Variants in LRP1 observed in about 807,000 individuals in gnomAD.
The protein encoded by LRP1 is prolow-density lipoprotein receptor-related protein 1.
A neutral mutation model predicts 541.5 loss-of-function variants in LRP1; 51 were observed. That is an observed-to-expected ratio of 0.09 (90% confidence interval 0.08 to 0.12). The LOEUF (loss-of-function observed/expected upper bound fraction) is 0.12, where lower values mean the gene tolerates loss of function less well. Ranked by LOEUF, LRP1 falls within the 10% of genes least tolerant of loss-of-function variation. The pLI, the probability that LRP1 is intolerant of heterozygous loss-of-function variation, is 1.00. For missense variants in LRP1, 3,878 were observed against 6,376.2 expected (o/e 0.61, Z 13.34); for synonymous variants, 2,219 against 2,470.8 (o/e 0.90, Z 3.02).
In LRP1 at chr12:57,173,645, A is replaced by G. The variant is rs2035986571; in HGVS notation, c.3347-135A>G. ...GTTGCCTATGTGAATTTGACCCAAAAAGCCTCGGGGTTCCTCGTGGACCCC... is the reference window on the plus strand; with the variant it reads ...GTTGCCTATGTGAATTTGACCCAAAGAGCCTCGGGGTTCCTCGTGGACCCC... On this transcript the variant is annotated intron_variant, in intron 21 of 88. Coordinates refer to ENST00000243077, the MANE Select transcript of LRP1 (RefSeq NM_002332.3). The surrounding 1 kb of genome is among the most constrained non-coding windows in gnomAD (Gnocchi z 4.7). The G allele has an allele frequency of 2.2e-6, 2 of 903,182 alleles. No individual in the cohort carries two copies. The highest frequency in any genetic ancestry group is 1.7e-6 in the Non-Finnish European group (1 of 582,150). 55.9% of individuals were successfully genotyped at this position (903,182 alleles called of 1,614,324 possible). A position where few individuals can be genotyped will look rare whatever the true frequency, so the allele number is the denominator to read the frequency against.
Position 57,169,169 on chromosome 12 carries a change from G to T in LRP1, c.3025G>T (p.Ala1009Ser), listed in dbSNP as rs1565730249. The change falls in exon 20 of 89, where the codon GCC (alanine) becomes TCC (serine). Residue 1009 changes from alanine to serine, a missense_variant. By Grantham distance (99) the Ala-to-Ser change is moderately conservative (BLOSUM62 1). Transcript: ENST00000243077. Reference sequence around the variant, plus strand: ...TGACTGTGGGGACAACAGTGACGAAGCCGGCTGCAGCCACTCCTGTTCTAG... The same window carrying T: ...TGACTGTGGGGACAACAGTGACGAATCCGGCTGCAGCCACTCCTGTTCTAG... ...DNDCGDNSDE[A>S]GCSHSCSSTQ... is the part of the protein sequence containing the mutation. 1 of 1,612,248 alleles carries T rather than the reference G, an allele frequency of 6.2e-7. No individual in the cohort carries two copies. The highest frequency in any genetic ancestry group is 8.5e-7 in the Non-Finnish European group (1 of 1,178,508).
Position 57,178,450 on chromosome 12 carries a change from A to T in LRP1, c.4453A>T (p.Thr1485Ser). Residue 1485 changes from threonine to serine, a missense_variant, in exon 27 of 89, where the codon ACG (threonine) becomes TCG (serine). Thr to Ser is a moderately conservative substitution (Grantham distance 58). Around this residue, in one of 13 missense-constraint regions of LRP1, gnomAD observed 54 missense variants for 167.7 expected, o/e 0.32. Transcript: ENST00000243077. The surrounding 1 kb of genome is among the most constrained non-coding windows in gnomAD (Gnocchi z 5.8). ...GTTCCTGTCGCACCCGTTTGCAGTG[A>T]CGCTGTACGGGGGGGAGGTCTACTG... ...HEFLSHPFAVTLYGGEVYWTD... is the reference protein window; with the variant it reads ...HEFLSHPFAVSLYGGEVYWTD... 1.2e-6 allele frequency: 2 copies of T among 1,614,216 alleles called. No homozygotes were observed. Among genetic ancestry groups the T allele is most frequent in the Non-Finnish European group, 1.7e-6 (2 of 1,180,026 alleles).
intron 81 of LRP1, 24 bp from the exon 82 acceptor site, chr12:57,210,283 C>T: frequency 6.5e-7 from 1 of 1,549,294 alleles, no homozygotes; most frequent in Non-Finnish European, 8.7e-7. Context: ...CCTGGCTCTG[C>T]CCCTTGACGG....
At position 57,178,486 on chromosome 12, in the gene LRP1, C is replaced by T. The variant is rs1255476122; in HGVS notation, c.4489C>T (p.Arg1497Ter). 1 of 1,614,196 alleles carries T rather than the reference C, an allele frequency of 6.2e-7. No individual in the cohort carries two copies. The highest frequency in any genetic ancestry group is 1.3e-5 in the African/African-American group (1 of 75,036). The change falls in exon 27 of 89, where the codon CGA becomes TGA. Residue 1497 changes from arginine to a stop codon, truncating the protein, a stop_gained. Coordinates refer to ENST00000243077, the MANE Select transcript of LRP1 (RefSeq NM_002332.3). LOFTEE classifies it high-confidence loss of function. The surrounding 1 kb of genome is among the most constrained non-coding windows in gnomAD (Gnocchi z 5.8). ...YGGEVYWTDW[R>*]TNTLAKANKW... ...GGGGGAGGTCTACTGGACTGACTGG[C>T]GAACAAACACACTGGCTAAGGCCAA... is the stretch of plus-strand genomic sequence containing the variant.
chr12:57,172,165 C>T (rs1359234024), intron 20 of LRP1, among the ~76,000 whole-genome samples: 2 of 148,014 alleles, frequency 1.4e-5, no homozygotes, highest in Non-Finnish European at 3.0e-5. Flanking sequence ...GCAGCTGTGG[C>T]GTTTTCTTTT....
In LRP1 at chr12:57,180,655, C is replaced by T; in HGVS notation, c.5387-12C>T. 1.2e-6 allele frequency: 2 copies of T among 1,613,908 alleles called. No individual in the cohort carries two copies. Among genetic ancestry groups the T allele is most frequent in the Non-Finnish European group, 1.7e-6 (2 of 1,179,820 alleles). On this transcript the variant is annotated splice_polypyrimidine_tract_variant and intron_variant, in intron 32 of 88. Coordinates refer to ENST00000243077, the MANE Select transcript of LRP1 (RefSeq NM_002332.3). ...GCCTTCCCAAGGGTCTCATCCCCTC[C>T]TGCTGCCCCAGGGGACAAGCTGTGG...
chr12:57,190,036 C>A (rs1336494848), intron 42 of LRP1, among the ~76,000 whole-genome samples: 1 of 152,192 alleles, frequency 6.6e-6, no homozygotes, highest in African/African-American at 2.4e-5. Flanking sequence ...CTGGCTGTTC[C>A]CATTGCCTCC....
chr12:57,169,434 C>T (rs2035902439), intron 20 of LRP1, 127 bp downstream of exon 20: 1 of 919,568 alleles, frequency 1.1e-6, no homozygotes, highest in Non-Finnish European at 1.6e-6. Flanking sequence ...GTAGCCTAGG[C>T]ATGGCTCTTG....
chr12:57,212,465 T>A lies in LRP1; in HGVS notation c.13545T>A (p.His4515Gln). The A allele has an allele frequency of 6.2e-7, 1 of 1,614,100 alleles. No homozygotes were observed. Reference sequence around the variant, plus strand: ...ATGCCACACTCTACATGGGGGGCCATGGCAGTCGCCACTCCCTGGCCAGCA... The same window carrying A: ...ATGCCACACTCTACATGGGGGGCCAAGGCAGTCGCCACTCCCTGGCCAGCA... ...PVYATLYMGGHGSRHSLASTD... is the reference protein window; with the variant it reads ...PVYATLYMGGQGSRHSLASTD... Residue 4515 changes from histidine (H) to glutamine (Q), a missense_variant, in exon 89 of 89, where the codon CAT (histidine) becomes CAA (glutamine). His to Gln is a conservative substitution (Grantham distance 24). This residue lies in a region of LRP1 where 871 missense variants were observed against 1,212.4 expected (regional missense o/e 0.72). Coordinates refer to ENST00000243077, the MANE Select transcript of LRP1 (RefSeq NM_002332.3). This position sits in a 1 kb window ranked among gnomAD's most constrained non-coding sequence, Gnocchi z 5.0.
At position 57,163,578 on chromosome 12, in the gene LRP1, CA is replaced by C. The variant is rs541782465; in HGVS notation, c.2530+609del. Among the ~76,000 whole-genome samples, 887 of 107,998 alleles carry C rather than the reference CA, an allele frequency of 8.2e-3. 8 individuals carry two copies. The highest frequency in any genetic ancestry group is 0.022 in the African/African-American group (667 of 29,726). The allele number at this position is 107,998 out of a possible 152,430, so 70.9% of individuals were successfully genotyped here. ...TAGGCGACAGATGGAGACTCTGTCT[CA>C]AAAAAAAAAAAAATTAACATTAAAA... is the stretch of plus-strand genomic sequence containing the variant. On this transcript the variant is annotated intron_variant, in intron 15 of 88. Transcript: ENST00000243077.
chr12:57,188,241 T>C (rs2036307602), intron 42 of LRP1, among the ~76,000 whole-genome samples: 1 of 152,172 alleles, frequency 6.6e-6, no homozygotes, highest in African/African-American at 2.4e-5. Context: ...CCCGGCTGTT[T>C]GGGCCTCTAG....
In LRP1 at chr12:57,191,109, C is replaced by A. The variant is rs1453405504; in HGVS notation, c.7236+100C>A. On this transcript the variant is annotated intron_variant, in intron 43 of 88. Coordinates refer to ENST00000243077, the MANE Select transcript of LRP1 (RefSeq NM_002332.3). ...CGTCCAGGCACAGACATGGTGGGAA[C>A]AGCTGGGAGGAGGTGAGTGCCTCCA... The A allele has an allele frequency of 1.3e-5, 17 of 1,323,858 alleles. 1 individual carries two copies. In the Admixed American group the frequency reaches 3.4e-4, roughly 26 times the overall value. The allele number at this position is 1,323,858 out of a possible 1,614,324, so 82.0% of individuals were successfully genotyped here.
chr12:57,168,675 G>A (rs2035885588), intron 19 of LRP1, among the ~76,000 whole-genome samples: 1 of 152,156 alleles, frequency 6.6e-6, no homozygotes, highest in Non-Finnish European at 1.5e-5. Flanking sequence ...CCAGCCACAG[G>A]CAGGGCCCCT....
At chr12:57,176,175 C>A in intron 24 of LRP1, 69 bp downstream of exon 24, 1 of 1,502,884 alleles carries the variant, frequency 6.7e-7, no homozygotes, top group Non-Finnish European at 9.2e-7. Flanking sequence ...GCCACAGGTC[C>A]CATCCAAGTG....
At chr12:57,139,245 C>A (rs1284535854) in intron 2 of LRP1, among the ~76,000 whole-genome samples, 3 of 152,106 alleles carry the variant, frequency 2.0e-5, no homozygotes, top group Non-Finnish European at 2.9e-5. Context: ...GGTCAAAGCG[C>A]CCCTGCATTC....
At chr12:57,167,100 A>G (rs1484752565) in intron 18 of LRP1, 54 bp downstream of exon 18, 1 of 1,458,230 alleles carries the variant, frequency 6.9e-7, no homozygotes, top group Non-Finnish European at 9.6e-7. Context: ...GGGCATCCTG[A>G]GAGCATGCCA....
chr12:57,132,938 T>C (rs1020239403), intron 1 of LRP1, among the ~76,000 whole-genome samples: 1 of 152,180 alleles, frequency 6.6e-6, no homozygotes, highest in African/African-American at 2.4e-5. Context: ...ACCAAAAGTT[T>C]CCTCTCCACT....
chr12:57,145,128 G>C lies in LRP1; in HGVS notation c.577+28G>C, dbSNP rs759133593. 5.6e-6 allele frequency: 9 copies of C among 1,613,754 alleles called. No individual in the cohort carries two copies. The South Asian group carries it at 7.7e-5, about 14-fold the overall frequency. The stretch of plus-strand genomic sequence containing the variant: ...GGGTGGGGTTGCCTCTGGCCACAGT[G>C]CTAACTAAGCCCCCTCAATGCTGTT... On this transcript the variant is annotated intron_variant, in intron 5 of 88. Coordinates refer to ENST00000243077, the MANE Select transcript of LRP1 (RefSeq NM_002332.3).
chr12:57,177,742 A>T lies in LRP1; in HGVS notation c.4361+151A>T. 1.2e-6 allele frequency: 1 copy of T among 814,516 alleles called. No individual in the cohort carries two copies. The highest frequency in any genetic ancestry group is 3.2e-5 in the East Asian group (1 of 30,826). The allele number at this position is 814,516 out of a possible 1,614,324, so 50.5% of individuals were successfully genotyped here. A position where few individuals can be genotyped will look rare whatever the true frequency, so the allele number is the denominator to read the frequency against. On this transcript the variant is annotated intron_variant, in intron 26 of 88. Transcript: ENST00000243077. The surrounding 1 kb of genome is among the most constrained non-coding windows in gnomAD (Gnocchi z 6.8). ...ACTGGGCACAGGAGGAGGAGGACGGAGGGGCGTGGGGAGGCCAGGGCCGAG... is the reference window on the plus strand; with the variant it reads ...ACTGGGCACAGGAGGAGGAGGACGGTGGGGCGTGGGGAGGCCAGGGCCGAG...
Sources: gnomAD v4.1 joint callset for allele counts (sites outside exome capture counted in the v4.1 genomes callset) on GRCh38, gnomAD v4.1.1 for gene constraint, gnomAD v4.1.1 regional missense constraint, Gnocchi (gnomAD v3.1) non-coding constraint, MANE v1.5 for transcripts, NCBI Gene and HGNC (gene_info 2026-07-23, HGNC 2026-07-21) for gene names.